The following CADM2 variants were observed in gnomAD, a reference collection of about 807,000 sequenced individuals.
CADM2 encodes immunoglobulin superfamily member 4D.
In CADM2, 12 loss-of-function variants were observed where a neutral mutation model predicts 49.8. That is an observed-to-expected ratio of 0.24 (90% CI 0.15 to 0.39). The LOEUF is 0.39. CADM2 is among the 10% of genes least tolerant of loss of function. CADM2 has a pLI of 1.00. For synonymous variants in CADM2, 214 were observed against 175.4 expected (o/e 1.22, Z -1.74); for missense variants, 378 against 492.3 (o/e 0.77, Z 2.20).
chr3:85,532,313 A>T (rs2061332358), intron 1 of CADM2, among the ~76,000 whole-genome samples: 2 of 152,322 alleles, frequency 1.3e-5, no homozygotes, highest in South Asian at 4.1e-4. Flanking sequence ...TTGACTTGAA[A>T]TTTTTTAAAT....
chr3:85,854,132 G>A (rs1310691169), intron 3 of CADM2, among the ~76,000 whole-genome samples: 1 of 152,136 alleles, frequency 6.6e-6, no homozygotes, highest in Non-Finnish European at 1.5e-5. Context: ...ACTGTAGAAA[G>A]TACTTACTTG....
In CADM2 at chr3:85,366,726, G is replaced by A. The variant is rs6773589; in HGVS notation, c.62-359796G>A. Among the ~76,000 whole-genome samples, 541 of 151,974 alleles carry A rather than the reference G, an allele frequency of 3.6e-3. 4 individuals are homozygous for A. The highest frequency in any genetic ancestry group is 0.012 in the African/African-American group (518 of 41,468). ...AAGAAACAATTTTAATATTAATGCCGAAATCTAAAATACTAAATCTGTCAC... is the reference window on the plus strand; with the variant it reads ...AAGAAACAATTTTAATATTAATGCCAAAATCTAAAATACTAAATCTGTCAC... On this transcript the variant is annotated intron_variant, in intron 1 of 9. Transcript: ENST00000383699.
intron 3 of CADM2, among the ~76,000 whole-genome samples, chr3:85,876,919 T>G (rs2108370036): frequency 6.6e-6 from 1 of 152,288 alleles, no homozygotes; most frequent in Non-Finnish European, 1.5e-5. Flanking sequence ...CTTAGGCATT[T>G]TTATTTTATT....
chr3:85,814,072 G>A (rs916630838), intron 3 of CADM2, among the ~76,000 whole-genome samples: 1 of 152,044 alleles, frequency 6.6e-6, no homozygotes, highest in Non-Finnish European at 1.5e-5. Context: ...TTCTAATTCT[G>A]TGAAGAAAGT....
At chr3:85,324,234 G>A (rs879592139) in intron 1 of CADM2, among the ~76,000 whole-genome samples, 2 of 152,090 alleles carry the variant, frequency 1.3e-5, no homozygotes, top group African/African-American at 2.4e-5. Flanking sequence ...CTCTCTTTTA[G>A]AGGAATATGT....
chr3:85,545,145 A>G (rs141815877), intron 1 of CADM2, among the ~76,000 whole-genome samples: 71 of 152,318 alleles, frequency 4.7e-4, no homozygotes, highest in Admixed American at 3.8e-3. Flanking sequence ...TATGGGACTA[A>G]TAATTTTTTG....
intron 3 of CADM2, among the ~76,000 whole-genome samples, chr3:85,859,487 G>A (rs184632482): frequency 7.9e-5 from 12 of 152,016 alleles, no homozygotes; most frequent in East Asian, 7.8e-4. Flanking sequence ...CTGTCTTGGC[G>A]TCCCAAAGTG....
chr3:85,868,346 C>G (rs1487777847), intron 3 of CADM2, among the ~76,000 whole-genome samples: 5 of 151,952 alleles, frequency 3.3e-5, no homozygotes, highest in African/African-American at 7.2e-5. Context: ...TTTATTTATA[C>G]TTTTGCATTA....
chr3:85,372,906 C>G (rs369814776), intron 1 of CADM2, among the ~76,000 whole-genome samples: 1 of 152,046 alleles, frequency 6.6e-6, no homozygotes, highest in Non-Finnish European at 1.5e-5. Context: ...AGAAACCTAC[C>G]CCCATGATTC....
intron 1 of CADM2, among the ~76,000 whole-genome samples, chr3:85,273,516 A>G (rs2043290187): frequency 6.6e-6 from 1 of 151,308 alleles, no homozygotes. Context: ...TAAATTTTGA[A>G]TATGCTGCAA....
At chr3:85,883,755 G>T (rs1007718820) in intron 4 of CADM2, among the ~76,000 whole-genome samples, 2 of 152,116 alleles carry the variant, frequency 1.3e-5, no homozygotes, top group Admixed American at 1.3e-4. Flanking sequence ...TAATCTATAT[G>T]TTGTATATAT....
At chr3:85,279,240 T>C (rs2043438135) in intron 1 of CADM2, among the ~76,000 whole-genome samples, 1 of 151,614 alleles carries the variant, frequency 6.6e-6, no homozygotes, top group Non-Finnish European at 1.5e-5. Flanking sequence ...AATACATGGA[T>C]AATCTTACAC....
chr3:85,456,971 C>T (rs75892230), intron 1 of CADM2, among the ~76,000 whole-genome samples: 1 of 151,560 alleles, frequency 6.6e-6, no homozygotes, highest in Non-Finnish European at 1.5e-5. Context: ...TAAATTGGAA[C>T]AATTTTATTC....
At chr3:85,280,623 A>T (rs1048584572) in intron 1 of CADM2, among the ~76,000 whole-genome samples, 10 of 151,698 alleles carry the variant, frequency 6.6e-5, no homozygotes, top group Non-Finnish European at 1.2e-4. Flanking sequence ...GCCATTATTC[A>T]TTTATAAAAG....
At chr3:85,442,254 T>C (rs1290343222) in intron 1 of CADM2, among the ~76,000 whole-genome samples, 1 of 152,052 alleles carries the variant, frequency 6.6e-6, no homozygotes, top group Non-Finnish European at 1.5e-5. Context: ...CTTGTGAATA[T>C]CTTTTCTTTT....
intron 1 of CADM2, among the ~76,000 whole-genome samples, chr3:85,645,194 C>G (rs550597247): frequency 6.6e-6 from 1 of 152,000 alleles, no homozygotes; most frequent in East Asian, 1.9e-4. Flanking sequence ...AAAATTGTAT[C>G]TCATAAGTGA....
chr3:85,601,439 GTT>G (rs1412810815), intron 1 of CADM2, among the ~76,000 whole-genome samples: 1 of 150,660 alleles, frequency 6.6e-6, no homozygotes, highest in Non-Finnish European at 1.5e-5. Flanking sequence ...ATGAACTACT[GTT>G]TTTCAAAATT....
chr3:85,379,018 A>G (rs2033750516), intron 1 of CADM2, among the ~76,000 whole-genome samples: 1 of 152,010 alleles, frequency 6.6e-6, no homozygotes, highest in African/African-American at 2.4e-5. Context: ...ATAAGATGGT[A>G]TTTTAGAGCT....
At chr3:85,778,191 G>A (rs537961611) in intron 2 of CADM2, among the ~76,000 whole-genome samples, 29 of 152,178 alleles carry the variant, frequency 1.9e-4, no homozygotes, top group African/African-American at 6.3e-4. Context: ...CAAAAAATTC[G>A]CCTGTTGAAA....
Sources: gnomAD v4.1 joint callset for allele counts (sites outside exome capture counted in the v4.1 genomes callset) on GRCh38, gnomAD v4.1.1 for gene constraint, MANE v1.5 for transcripts, NCBI Gene and HGNC (gene_info 2026-07-23, HGNC 2026-07-21) for gene names.